Variants in PTPRS observed in about 807,000 individuals in gnomAD.
The protein encoded by PTPRS is protein tyrosine phosphatase receptor type S, also known as receptor-type tyrosine-protein phosphatase S.
In PTPRS, 63 loss-of-function variants were observed where a neutral mutation model predicts 215.3. The observed-to-expected ratio is 0.29, with a 90% confidence interval of 0.24 to 0.36. The LOEUF is 0.36. Among genes scored for constraint, PTPRS ranks in the 10% least tolerant of loss-of-function variants. The pLI is 1.00. For synonymous variants in PTPRS, 1,404 were observed against 1,191.4 expected (o/e 1.18, Z -3.68); for missense variants, 2,258 against 2,825.8 (o/e 0.80, Z 4.56).
chr19:5,264,950 C>A, intron 5 of PTPRS, 58 bp downstream of exon 5: 1 of 1,581,326 alleles, frequency 6.3e-7, no homozygotes. Context: ...CCTGGAGATG[C>A]TCCCCACCCC....
chr19:5,258,302 C>T, intron 7 of PTPRS, 175 bp from the exon 8 acceptor site: 1 of 606,016 alleles, frequency 1.7e-6, no homozygotes, highest in Admixed American at 2.8e-5. Context: ...GTATAACCTC[C>T]ACCCCCACAT....
Position 5,244,496 on chromosome 19 carries a change from G to A in PTPRS, c.989-14C>T. Reference sequence around the variant, plus strand: ...CTTTGGGGAGAGCTGTGGGCAGGAGGCAGCTGTGTCACGCATTGGGCACAT... The same window carrying A: ...CTTTGGGGAGAGCTGTGGGCAGGAGACAGCTGTGTCACGCATTGGGCACAT... On this transcript the variant is annotated splice_polypyrimidine_tract_variant and intron_variant, in intron 10 of 37. Coordinates refer to ENST00000262963, the MANE Select transcript of PTPRS (RefSeq NM_002850.4). This position sits in a 1 kb window ranked among gnomAD's most constrained non-coding sequence, Gnocchi z 7.2. The A allele has an allele frequency of 1.2e-6, 2 of 1,607,470 alleles. No homozygotes were observed.
At chr19:5,279,123 CTGCAGTG>C (rs1263883680) in intron 2 of PTPRS, among the ~76,000 whole-genome samples, 1 of 151,540 alleles carries the variant, frequency 6.6e-6, no homozygotes, top group Non-Finnish European at 1.5e-5. Flanking sequence ...GAGGTGGAGG[CTGCAGTG>C]AGCTCAGACC....
chr19:5,329,257 C>T (rs920871617), intron 1 of PTPRS, among the ~76,000 whole-genome samples: 7 of 151,938 alleles, frequency 4.6e-5, no homozygotes, highest in Non-Finnish European at 1.0e-4. Flanking sequence ...ATGAGGCCAG[C>T]GGCCCACAGA....
At chr19:5,214,288 G>A (rs1210221332) in intron 30 of PTPRS, 73 bp downstream of exon 30, 1 of 1,602,328 alleles carries the variant, frequency 6.2e-7, no homozygotes, top group Non-Finnish European at 8.5e-7. Flanking sequence ...TCCCTGGGTA[G>A]AAGCTGGGGC....
At chr19:5,313,642 G>A (rs1395615640) in intron 1 of PTPRS, among the ~76,000 whole-genome samples, 1 of 152,192 alleles carries the variant, frequency 6.6e-6, no homozygotes, top group East Asian at 1.9e-4. Flanking sequence ...TCAAGGGCAG[G>A]CGGCAGGAGG....
intron 11 of PTPRS, among the ~76,000 whole-genome samples, chr19:5,243,120 G>C (rs1218414268): frequency 6.6e-6 from 1 of 150,838 alleles, no homozygotes; most frequent in African/African-American, 2.4e-5. Flanking sequence ...AGCCTGGCTA[G>C]CTCTCTTTTT....
intron 1 of PTPRS, among the ~76,000 whole-genome samples, chr19:5,301,777 A>G (rs904816194): frequency 2.0e-5 from 3 of 151,320 alleles, no homozygotes; most frequent in Non-Finnish European, 4.4e-5. Context: ...CCATGTCCCA[A>G]TACCCCCCAT....
At chr19:5,232,280 T>C (rs2043082527) in intron 13 of PTPRS, among the ~76,000 whole-genome samples, 1 of 149,818 alleles carries the variant, frequency 6.7e-6, no homozygotes, top group Non-Finnish European at 1.5e-5. Context: ...AGGCTTATTA[T>C]GTGCCAGGTA....
chr19:5,240,872 A>T (rs1025841605), intron 11 of PTPRS, among the ~76,000 whole-genome samples: 48 of 145,246 alleles, frequency 3.3e-4, no homozygotes, highest in Non-Finnish European at 6.3e-4. Context: ...AAAATAAAAA[A>T]AATAAAAATC....
At chr19:5,214,874 A>G in intron 28 of PTPRS, 138 bp from the exon 29 acceptor site, 1 of 935,106 alleles carries the variant, frequency 1.1e-6, no homozygotes, top group Non-Finnish European at 1.6e-6. Flanking sequence ...TGTACTTCAC[A>G]GTTTCTCCCC....
chr19:5,276,065 G>A (rs2047333358), intron 2 of PTPRS, among the ~76,000 whole-genome samples: 1 of 152,226 alleles, frequency 6.6e-6, no homozygotes, highest in Non-Finnish European at 1.5e-5. Context: ...AACCAGGCAA[G>A]GGACTTGCTT....
intron 19 of PTPRS, 130 bp from the exon 20 acceptor site, chr19:5,221,383 A>C: frequency 8.2e-7 from 1 of 1,218,046 alleles, no homozygotes; most frequent in Non-Finnish European, 1.1e-6. Flanking sequence ...CAGAAATCTA[A>C]CACTGACTGA....
At chr19:5,215,248 A>C (rs1025257766) in intron 28 of PTPRS, 41 bp downstream of exon 28, 1 of 1,607,900 alleles carries the variant, frequency 6.2e-7, no homozygotes, top group Non-Finnish European at 8.5e-7. Flanking sequence ...CTTTCCATGC[A>C]GTGGGGAAGG....
chr19:5,335,112 A>C (rs1026418567), intron 1 of PTPRS, among the ~76,000 whole-genome samples: 1 of 152,062 alleles, frequency 6.6e-6, no homozygotes, highest in Non-Finnish European at 1.5e-5. Context: ...ACGATGGGCC[A>C]TCCTCCCAGC....
In PTPRS at chr19:5,229,675, G is replaced by A. The variant is rs1393421847; in HGVS notation, c.2165C>T (p.Ala722Val). ...CTCCGCCTCCACCTTCCGCGGCGGC[G>A]CGCTGGGCACTGGCGGGCGGGAGGG... is the stretch of plus-strand genomic sequence containing the variant. ...VVRTDEDVPS[A>V]PPRKVEAEAL... Residue 722 changes from alanine (A) to valine (V), a missense_variant, in exon 15 of 38, where the codon GCG (alanine) becomes GTG (valine). By Grantham distance (64) the Ala-to-Val change is moderately conservative. Around this residue, in one of 6 missense-constraint regions of PTPRS, gnomAD observed 371 missense variants for 446.7 expected, o/e 0.83. Coordinates refer to ENST00000262963, the MANE Select transcript of PTPRS (RefSeq NM_002850.4). 12 of 1,269,000 alleles carry A rather than the reference G, an allele frequency of 9.5e-6. No individual in the cohort carries two copies. The highest frequency in any genetic ancestry group is 1.2e-5 in the Non-Finnish European group (12 of 1,011,924). 78.6% of individuals were successfully genotyped at this position (1,269,000 alleles called of 1,614,324 possible).
chr19:5,234,616 C>T (rs529632911), intron 13 of PTPRS, among the ~76,000 whole-genome samples: 1 of 152,320 alleles, frequency 6.6e-6, no homozygotes, highest in South Asian at 2.1e-4. Flanking sequence ...CTACTATGTG[C>T]CAGGCACTGT....
chr19:5,281,231 C>A (rs1209074349), intron 2 of PTPRS, among the ~76,000 whole-genome samples: 2 of 151,830 alleles, frequency 1.3e-5, no homozygotes, highest in African/African-American at 2.4e-5. Flanking sequence ...GAGGCCAAAG[C>A]GGGAGGATCA....
In PTPRS at chr19:5,210,829, C is replaced by T; in HGVS notation, c.5235-24G>A. On this transcript the variant is annotated intron_variant, in intron 33 of 37. Transcript: ENST00000262963. This position sits in a 1 kb window ranked among gnomAD's most constrained non-coding sequence, Gnocchi z 4.5. ...GCCTGCAGGCGTTGGGGGTATGAGC[C>T]CAGGGCCGGCAGGGAGACCCGGCGT... 1 of 1,609,256 alleles carries T rather than the reference C, an allele frequency of 6.2e-7. No individual in the cohort carries two copies. Among genetic ancestry groups the T allele is most frequent in the Non-Finnish European group, 8.5e-7 (1 of 1,178,514 alleles).
Sources: gnomAD v4.1 joint callset for allele counts (sites outside exome capture counted in the v4.1 genomes callset) on GRCh38, gnomAD v4.1.1 for gene constraint, gnomAD v4.1.1 regional missense constraint, Gnocchi (gnomAD v3.1) non-coding constraint, MANE v1.5 for transcripts, NCBI Gene and HGNC (gene_info 2026-07-23, HGNC 2026-07-21) for gene names.